Variants in CLYBL observed in about 807,000 individuals in gnomAD.
CLYBL encodes citramalyl-CoA lyase, mitochondrial.
CLYBL carries 31 observed loss-of-function variants against 38.9 expected under a neutral mutation model. The observed-to-expected ratio is 0.80, with a 90% CI of 0.60 to 1.08. The LOEUF is 1.08. Ranked by LOEUF, CLYBL falls within the 50% of genes least tolerant of loss-of-function variation. The pLI, the probability that CLYBL is intolerant of heterozygous loss-of-function variation, is 0.00. For missense variants in CLYBL, 434 were observed against 411.6 expected (o/e 1.05, Z -0.47); for synonymous variants, 171 against 158.6 (o/e 1.08, Z -0.59).
At chr13:99,779,713 A>G (rs2049599398) in intron 2 of CLYBL, among the ~76,000 whole-genome samples, 1 of 152,188 alleles carries the variant, frequency 6.6e-6, no homozygotes, top group African/African-American at 2.4e-5. Context: ...AGGGACTGAG[A>G]CTGGGCCACA....
chr13:99,758,568 G>C (rs758014084), intron 1 of CLYBL, among the ~76,000 whole-genome samples: 11 of 152,098 alleles, frequency 7.2e-5, no homozygotes, highest in Admixed American at 2.6e-4. Context: ...ACAGATTTTG[G>C]AACAGCTGGG....
intron 1 of CLYBL, among the ~76,000 whole-genome samples, chr13:99,634,472 A>G (rs2063855917): frequency 6.6e-6 from 1 of 152,200 alleles, no homozygotes; most frequent in African/African-American, 2.4e-5. Flanking sequence ...GTAAACATGT[A>G]ATAGTAATAA....
In CLYBL at chr13:99,823,930, C is replaced by T. The variant is rs9585235; in HGVS notation, c.250-34931C>T. 4.0e-3 allele frequency among the ~76,000 whole-genome samples: 614 copies of T among 152,260 alleles called. 3 individuals are homozygous for T. Among genetic ancestry groups the T allele is most frequent in the African/African-American group, 0.014 (573 of 41,538 alleles). Reference sequence around the variant, plus strand: ...TAGTCCTTTTGCCTGATTTCTGAGTCGGGTCTTTTGCTTATTGGATCTCAT... The same window carrying T: ...TAGTCCTTTTGCCTGATTTCTGAGTTGGGTCTTTTGCTTATTGGATCTCAT... On this transcript the variant is annotated intron_variant, in intron 2 of 8. Coordinates refer to ENST00000339105, the MANE Select transcript of CLYBL (RefSeq NM_206808.5).
At chr13:99,727,897 G>A (rs974259179) in intron 1 of CLYBL, among the ~76,000 whole-genome samples, 1 of 152,120 alleles carries the variant, frequency 6.6e-6, no homozygotes, top group Non-Finnish European at 1.5e-5. Flanking sequence ...GGCCAACATG[G>A]TGAAATCCTG....
chr13:99,757,583 G>A (rs2049089050), intron 1 of CLYBL, among the ~76,000 whole-genome samples: 1 of 152,134 alleles, frequency 6.6e-6, no homozygotes, highest in Non-Finnish European at 1.5e-5. Flanking sequence ...GGCTGCCATT[G>A]TAGCTGGGAT....
At chr13:99,609,169 G>GTT (rs58873910) in intron 1 of CLYBL, among the ~76,000 whole-genome samples, 477 of 45,790 alleles carry the variant, frequency 0.01, 105 homozygotes, top group Middle Eastern at 0.031. Context: ...ACCTGTCTTT[G>GTT]TTTTTTTTTT....
intron 1 of CLYBL, among the ~76,000 whole-genome samples, chr13:99,728,460 A>T (rs1235552890): frequency 6.6e-6 from 1 of 151,566 alleles, no homozygotes; most frequent in Non-Finnish European, 1.5e-5. Context: ...TTGTATTTTT[A>T]GTAGAGATGG....
At chr13:99,894,173 A>AT (rs1249732709), downstream of CLYBL, 1 of 152,362 alleles carries the variant, frequency 6.6e-6, no homozygotes, top group African/African-American at 2.4e-5. Flanking sequence ...GGCAAAGGGT[A>AT]TTCCCCCTCT....
chr13:99,739,365 G>GT (rs142844608), intron 1 of CLYBL, among the ~76,000 whole-genome samples: 4,362 of 152,248 alleles, frequency 0.029, 76 homozygotes, highest in Middle Eastern at 0.12. Flanking sequence ...TTCAACACGT[G>GT]TTGGCAGACT....
At chr13:99,675,241 T>C (rs61974386) in intron 1 of CLYBL, among the ~76,000 whole-genome samples, 3,570 of 152,312 alleles carry the variant, frequency 0.023, 66 homozygotes, top group Middle Eastern at 0.085. Context: ...CATCTTCTAC[T>C]GTCACATACA....
At chr13:99,636,361 A>G (rs2047017602) in intron 1 of CLYBL, among the ~76,000 whole-genome samples, 1 of 152,214 alleles carries the variant, frequency 6.6e-6, no homozygotes, top group South Asian at 2.1e-4. Flanking sequence ...TTGAGTGGTC[A>G]ATATAGAAAG....
chr13:99,695,331 C>G (rs918325629), intron 1 of CLYBL, among the ~76,000 whole-genome samples: 1 of 152,012 alleles, frequency 6.6e-6, no homozygotes, highest in Non-Finnish European at 1.5e-5. Flanking sequence ...GCAAAGCACA[C>G]AAATATATTT....
chr13:99,660,775 T>G (rs984026257), intron 1 of CLYBL, among the ~76,000 whole-genome samples: 3 of 152,208 alleles, frequency 2.0e-5, no homozygotes, highest in African/African-American at 7.2e-5. Flanking sequence ...CCAGTACTTG[T>G]AAGAGTATTG....
intron 7 of CLYBL, among the ~76,000 whole-genome samples, chr13:99,878,721 A>C (rs577168601): frequency 5.3e-5 from 8 of 152,338 alleles, no homozygotes; most frequent in African/African-American, 1.9e-4. Context: ...TAACTCCCTT[A>C]GATTTTGATA....
intron 1 of CLYBL, among the ~76,000 whole-genome samples, chr13:99,731,722 C>T (rs950268044): frequency 3.9e-5 from 6 of 152,110 alleles, no homozygotes; most frequent in Admixed American, 3.9e-4. Context: ...GGACAGTGGA[C>T]CCCTGGATGG....
chr13:99,693,740 A>T (rs1381013045), intron 1 of CLYBL, among the ~76,000 whole-genome samples: 1 of 152,182 alleles, frequency 6.6e-6, no homozygotes, highest in Non-Finnish European at 1.5e-5. Context: ...AGGCACTAAG[A>T]TACCTATCCA....
chr13:99,788,019 A>G (rs1052384940), intron 2 of CLYBL, among the ~76,000 whole-genome samples: 5 of 152,132 alleles, frequency 3.3e-5, no homozygotes, highest in Non-Finnish European at 5.9e-5. Flanking sequence ...TTGGTGTATA[A>G]GAATGCTTGT....
intron 1 of CLYBL, among the ~76,000 whole-genome samples, chr13:99,614,165 G>A (rs2046671633): frequency 6.6e-6 from 1 of 152,094 alleles, no homozygotes; most frequent in Admixed American, 6.5e-5. Context: ...GAAAGGAATT[G>A]ACAGAAGCTG....
At chr13:99,809,339 G>A (rs2050294654) in intron 2 of CLYBL, among the ~76,000 whole-genome samples, 2 of 152,196 alleles carry the variant, frequency 1.3e-5, no homozygotes, top group South Asian at 2.1e-4. Context: ...ACTTCTGGGA[G>A]CCTCCCTTCT....
Sources: gnomAD v4.1 joint callset for allele counts (sites outside exome capture counted in the v4.1 genomes callset) on GRCh38, gnomAD v4.1.1 for gene constraint, MANE v1.5 for transcripts, NCBI Gene and HGNC (gene_info 2026-07-23, HGNC 2026-07-21) for gene names.